The following EPHA3 variants were observed in gnomAD, a reference collection of about 807,000 sequenced individuals.
The protein encoded by EPHA3 is ephrin type-A receptor 3.
EPHA3 carries 42 observed loss-of-function variants against 107.1 expected under a neutral mutation model. The observed-to-expected ratio is 0.39, with a 90% confidence interval of 0.31 to 0.51. The LOEUF is 0.51. Ranked by LOEUF, EPHA3 falls within the 20% of genes least tolerant of loss-of-function variation. EPHA3 has a pLI of 0.78. For missense variants in EPHA3, 1,183 were observed against 1,211.2 expected, an observed-to-expected ratio of 0.98 and a Z score of 0.35; for synonymous variants, 461 against 424.8, an observed-to-expected ratio of 1.09 and a Z score of -1.05.
intron 3 of EPHA3, among the ~76,000 whole-genome samples, chr3:89,217,322 C>T (rs1483733129): frequency 1.3e-5 from 2 of 151,950 alleles, no homozygotes; most frequent in Non-Finnish European, 2.9e-5. Context: ...TTCCAGTATG[C>T]GGACAAAACA....
At chr3:89,267,615 C>A (rs1705567779) in intron 3 of EPHA3, among the ~76,000 whole-genome samples, 1 of 152,046 alleles carries the variant, frequency 6.6e-6, no homozygotes, top group Admixed American at 6.6e-5. Context: ...TTAAAGGTAA[C>A]GTCTTGGCAA....
intron 2 of EPHA3, among the ~76,000 whole-genome samples, chr3:89,161,999 GTAATAA>G (rs955551549): frequency 1.4e-5 from 2 of 139,086 alleles, no homozygotes. Context: ...AATAATAATA[GTAATAA>G]TAATAAATAA....
chr3:89,446,745 T>C (rs1048044630), intron 13 of EPHA3, among the ~76,000 whole-genome samples: 1 of 152,068 alleles, frequency 6.6e-6, no homozygotes, highest in African/African-American at 2.4e-5. Flanking sequence ...ACAATTTCAG[T>C]ATTACTGAAA....
chr3:89,378,804 T>C (rs1486102348), intron 5 of EPHA3, among the ~76,000 whole-genome samples: 1 of 152,202 alleles, frequency 6.6e-6, no homozygotes, highest in Non-Finnish European at 1.5e-5. Flanking sequence ...AATCCAAAAA[T>C]TGAGCAGCTT....
chr3:89,458,737 T>C (rs944453027), intron 15 of EPHA3, among the ~76,000 whole-genome samples: 8 of 152,208 alleles, frequency 5.3e-5, no homozygotes, highest in Admixed American at 5.2e-4. Context: ...CACGTATGTT[T>C]GTTGCAGGAC....
At chr3:89,435,328 G>A (rs1709645804) in intron 13 of EPHA3, among the ~76,000 whole-genome samples, 1 of 151,160 alleles carries the variant, frequency 6.6e-6, no homozygotes, top group Non-Finnish European at 1.5e-5. Flanking sequence ...AGCAGAGTGG[G>A]GTGGCTCACG....
intron 13 of EPHA3, among the ~76,000 whole-genome samples, chr3:89,442,219 G>T (rs1168376047): frequency 6.6e-6 from 1 of 152,056 alleles, no homozygotes. Flanking sequence ...TTCCAGAAGG[G>T]ATATTATTAC....
Position 89,445,055 on chromosome 3 carries a change from C to T in EPHA3, c.2347-4170C>T, listed in dbSNP as rs189803091. On this transcript the variant is annotated intron_variant, in intron 13 of 16. Coordinates refer to ENST00000336596, the MANE Select transcript of EPHA3 (RefSeq NM_005233.6). Reference sequence around the variant, plus strand: ...TGGAGGTGGGAAAATGACTTGAGGCCAAGAGTTAGAGACTAGCCTGACCAA... The same window carrying T: ...TGGAGGTGGGAAAATGACTTGAGGCTAAGAGTTAGAGACTAGCCTGACCAA... 4.5e-3 allele frequency among the ~76,000 whole-genome samples: 685 copies of T among 152,196 alleles called. 25 individuals carry two copies. The highest frequency in any genetic ancestry group is 0.041 in the Admixed American group (631 of 15,280).
chr3:89,440,986 T>G (rs1709771316), intron 13 of EPHA3, among the ~76,000 whole-genome samples: 1 of 152,222 alleles, frequency 6.6e-6, no homozygotes, highest in African/African-American at 2.4e-5. Context: ...GCTATGGTCA[T>G]AAGTCAGCAA....
intron 1 of EPHA3, among the ~76,000 whole-genome samples, chr3:89,119,989 ACT>A (rs1232907399): frequency 6.6e-6 from 1 of 151,910 alleles, no homozygotes; most frequent in African/African-American, 2.4e-5. Flanking sequence ...CAACAGTCAA[ACT>A]CTGGCTGAAC....
intron 13 of EPHA3, among the ~76,000 whole-genome samples, chr3:89,439,829 C>T (rs894558426): frequency 1.3e-5 from 2 of 151,748 alleles, no homozygotes; most frequent in African/African-American, 4.8e-5. Context: ...AGATATCATA[C>T]ATCAGATTAC....
chr3:89,258,286 C>A (rs544918853), intron 3 of EPHA3, among the ~76,000 whole-genome samples: 1 of 152,258 alleles, frequency 6.6e-6, no homozygotes, highest in African/African-American at 2.4e-5. Context: ...AGAGAAACGA[C>A]AAGCAAGTGT....
intron 2 of EPHA3, among the ~76,000 whole-genome samples, chr3:89,194,575 T>C (rs1705792111): frequency 6.6e-6 from 1 of 152,140 alleles, no homozygotes; most frequent in Non-Finnish European, 1.5e-5. Context: ...TATTCAATAA[T>C]AAAATTGTTA....
At position 89,466,743 on chromosome 3, in the gene EPHA3, TG is replaced by T. The variant is rs1710284732; in HGVS notation, c.2691-5720del. On this transcript the variant is annotated intron_variant, in intron 15 of 16. Coordinates refer to ENST00000336596, the MANE Select transcript of EPHA3 (RefSeq NM_005233.6). ...GCGCCCACTGTCTGGCACTCCCTAG[TG>T]AGATGAACCCGGTACCTCAGATGGA... Among the ~76,000 whole-genome samples, 2 of 136,268 alleles carry T rather than the reference TG, an allele frequency of 1.5e-5. 1 individual carries two copies. The highest frequency in any genetic ancestry group is 4.4e-4 in the South Asian group (2 of 4,544). 89.4% of individuals were successfully genotyped at this position (136,268 alleles called of 152,430 possible).
At chr3:89,414,282 G>A (rs1382648952) in intron 10 of EPHA3, among the ~76,000 whole-genome samples, 1 of 151,590 alleles carries the variant, frequency 6.6e-6, no homozygotes, top group Non-Finnish European at 1.5e-5. Context: ...TAATTTACTA[G>A]AGCTTCTCTT....
chr3:89,472,759 T>G, intron 16 of EPHA3, 140 bp downstream of exon 16: 1 of 944,288 alleles, frequency 1.1e-6, no homozygotes, highest in Non-Finnish European at 1.5e-6. Flanking sequence ...CGCCTGGAAC[T>G]GCTAATCAGG....
intron 2 of EPHA3, among the ~76,000 whole-genome samples, chr3:89,151,391 C>T (rs766406301): frequency 6.6e-5 from 10 of 152,052 alleles, no homozygotes; most frequent in Non-Finnish European, 1.3e-4. Context: ...AGAGTTTTAA[C>T]TGAAGGGACA....
At chr3:89,278,250 A>T (rs1259433129) in intron 3 of EPHA3, among the ~76,000 whole-genome samples, 1 of 152,070 alleles carries the variant, frequency 6.6e-6, no homozygotes. Flanking sequence ...ACAGGGTATC[A>T]TGTTTGCTGG....
chr3:89,181,971 C>T (rs1250928160), intron 2 of EPHA3, among the ~76,000 whole-genome samples: 1 of 151,520 alleles, frequency 6.6e-6, no homozygotes, highest in Non-Finnish European at 1.5e-5. Context: ...CAACAGTGAG[C>T]ACTTTAGATA....
Sources: gnomAD v4.1 joint callset for allele counts (sites outside exome capture counted in the v4.1 genomes callset) on GRCh38, gnomAD v4.1.1 for gene constraint, MANE v1.5 for transcripts, NCBI Gene and HGNC (gene_info 2026-07-23, HGNC 2026-07-21) for gene names.